The following FOXP2 variants were observed in gnomAD, a reference collection of about 807,000 sequenced individuals.
FOXP2 encodes the protein forkhead box protein P2.
A neutral mutation model predicts 115.8 loss-of-function variants in FOXP2; 12 were observed. The ratio of observed to expected loss-of-function variants is 0.10; its 90% CI spans 0.07 to 0.17. The LOEUF is 0.17. Among genes scored for constraint, FOXP2 ranks in the 10% least tolerant of loss-of-function variants. FOXP2 has a pLI of 1.00. For missense variants in FOXP2, 629 were observed against 843.5 expected (o/e 0.75, Z 3.15); for synonymous variants, 328 against 297.7 (o/e 1.10, Z -1.05).
At chr7:114,456,028 A>C (rs1054562314) in intron 2 of FOXP2, among the ~76,000 whole-genome samples, 9 of 152,172 alleles carry the variant, frequency 5.9e-5, no homozygotes, top group Non-Finnish European at 1.2e-4. Context: ...ATGCACCAAG[A>C]TCCAAATCAG....
intron 1 of FOXP2, among the ~76,000 whole-genome samples, chr7:114,234,976 G>C (rs1794972600): frequency 6.6e-6 from 1 of 152,102 alleles, no homozygotes; most frequent in Non-Finnish European, 1.5e-5. Context: ...AGCCCCACTA[G>C]TCCCTTTTAT....
chr7:114,520,228 T>C (rs2129268684), intron 2 of FOXP2, among the ~76,000 whole-genome samples: 1 of 152,244 alleles, frequency 6.6e-6, no homozygotes, highest in East Asian at 1.9e-4. Context: ...TAGTCATCCT[T>C]TTAAATCACT....
intron 1 of FOXP2, among the ~76,000 whole-genome samples, chr7:114,170,347 A>T (rs546628128): frequency 2.0e-5 from 3 of 152,274 alleles, no homozygotes; most frequent in Admixed American, 1.3e-4. Flanking sequence ...TTCCCTAAAA[A>T]ACAACGATGT....
At chr7:114,134,365 T>G (rs556555436) in intron 1 of FOXP2, among the ~76,000 whole-genome samples, 2 of 152,272 alleles carry the variant, frequency 1.3e-5, no homozygotes, top group African/African-American at 4.8e-5. Context: ...TTTTCATGGA[T>G]TTTTTGAATA....
chr7:114,149,371 G>A (rs879780788), intron 1 of FOXP2, among the ~76,000 whole-genome samples: 4 of 151,972 alleles, frequency 2.6e-5, no homozygotes, highest in Admixed American at 6.6e-5. Context: ...TATGTAATAT[G>A]TGATTATTAG....
intron 2 of FOXP2, among the ~76,000 whole-genome samples, chr7:114,379,918 C>T (rs796850446): frequency 1.1e-4 from 17 of 152,160 alleles, no homozygotes; most frequent in African/African-American, 2.7e-4. Flanking sequence ...TTTCCTTCTT[C>T]GGTGGCTAGC....
chr7:114,101,894 A>C (rs946369005), intron 1 of FOXP2, among the ~76,000 whole-genome samples: 15 of 112,670 alleles, frequency 1.3e-4, no homozygotes, highest in Admixed American at 4.1e-4. Flanking sequence ...TTTCGCTTCA[A>C]CATTTTGTGT....
intron 3 of FOXP2, among the ~76,000 whole-genome samples, chr7:114,617,912 C>T (rs1315372902): frequency 6.6e-6 from 1 of 152,178 alleles, no homozygotes; most frequent in Non-Finnish European, 1.5e-5. Context: ...ATTCCATACC[C>T]CTAGTCATAA....
At chr7:114,257,890 GAAC>G (rs1235552285) in intron 1 of FOXP2, among the ~76,000 whole-genome samples, 2 of 152,292 alleles carry the variant, frequency 1.3e-5, no homozygotes, top group South Asian at 2.1e-4. Flanking sequence ...TATGCTTAAA[GAAC>G]AACAAGGAGG....
intron 1 of FOXP2, among the ~76,000 whole-genome samples, chr7:114,240,175 A>C (rs546891953): frequency 6.6e-6 from 1 of 152,318 alleles, no homozygotes; most frequent in South Asian, 2.1e-4. Flanking sequence ...AAGCAAAGGA[A>C]AGAAACAATG....
At chr7:114,481,189 T>C (rs2129237448) in intron 2 of FOXP2, among the ~76,000 whole-genome samples, 1 of 151,408 alleles carries the variant, frequency 6.6e-6, no homozygotes, top group South Asian at 2.1e-4. Flanking sequence ...ATTGCAATCA[T>C]CCCATTTCCT....
In FOXP2 at chr7:114,373,514, C is replaced by G. The variant is rs1792066914; in HGVS notation, c.-10-52988C>G. 2.0e-5 allele frequency among the ~76,000 whole-genome samples: 3 copies of G among 152,320 alleles called. No homozygotes were observed. The South Asian group carries it at 6.2e-4, about 32-fold the overall frequency. ...GCTCTTTCTGTCATTGCCTCCCTTC[C>G]TTTGAAAAATATAACGTTGGCAGCC... is the stretch of plus-strand genomic sequence containing the variant. On this transcript the variant is annotated intron_variant, in intron 2 of 17. Coordinates refer to the FOXP2 transcript ENST00000634411.
At chr7:114,118,241 GAATTA>G (rs1791462542) in intron 1 of FOXP2, among the ~76,000 whole-genome samples, 1 of 152,114 alleles carries the variant, frequency 6.6e-6, no homozygotes, top group Non-Finnish European at 1.5e-5. Context: ...GATTAGGAAT[GAATTA>G]ATAGAGAATT....
intron 16 of FOXP2, among the ~76,000 whole-genome samples, chr7:114,685,599 C>T (rs891949822): frequency 6.6e-6 from 1 of 152,018 alleles, no homozygotes; most frequent in Non-Finnish European, 1.5e-5. Context: ...CTAACCTATC[C>T]CTAGGGAGTA....
At chr7:114,262,929 CA>C (rs1410919031) in intron 1 of FOXP2, among the ~76,000 whole-genome samples, 1 of 152,146 alleles carries the variant, frequency 6.6e-6, no homozygotes, top group Non-Finnish European at 1.5e-5. Context: ...CCCTCTCTGC[CA>C]AATTCCATAA....
intron 2 of FOXP2, among the ~76,000 whole-genome samples, chr7:114,530,052 G>C (rs1471590053): frequency 1.4e-4 from 21 of 151,756 alleles, no homozygotes; most frequent in Admixed American, 1.4e-3. Context: ...CAAAAATCTG[G>C]GTGTCCTGCT....
chr7:114,252,313 A>T (rs576081747), intron 1 of FOXP2, among the ~76,000 whole-genome samples: 1 of 152,212 alleles, frequency 6.6e-6, no homozygotes, highest in Non-Finnish European at 1.5e-5. Flanking sequence ...TCATAAAATG[A>T]CTTAGGGAGG....
At chr7:114,604,357 A>G (rs1803193296) in intron 3 of FOXP2, among the ~76,000 whole-genome samples, 1 of 152,086 alleles carries the variant, frequency 6.6e-6, no homozygotes, top group Admixed American at 6.6e-5. Context: ...TCAAAATACA[A>G]ATTTTTGTGT....
intron 8 of FOXP2, chr7:114,645,100 T>C: frequency 6.3e-6 from 1 of 159,906 alleles, no homozygotes; most frequent in Non-Finnish European, 1.3e-5. Flanking sequence ...AAGTTTTAAG[T>C]TTCTAATTAA....
Sources: gnomAD v4.1 joint callset for allele counts (sites outside exome capture counted in the v4.1 genomes callset) on GRCh38, gnomAD v4.1.1 for gene constraint, MANE v1.5 for transcripts, NCBI Gene and HGNC (gene_info 2026-07-23, HGNC 2026-07-21) for gene names.